The following DLGAP1 variants were observed in gnomAD, a reference collection of about 807,000 sequenced individuals.
DLGAP1 encodes disks large-associated protein 1.
Under a neutral mutation model 90.8 loss-of-function variants are expected in DLGAP1, and 11 were observed. The observed-to-expected ratio is 0.12, with a 90% CI of 0.08 to 0.20. The LOEUF (loss-of-function observed/expected upper bound fraction) is 0.20. Among genes scored for constraint, DLGAP1 ranks in the 10% least tolerant of loss-of-function variants. The probability of loss-of-function intolerance (pLI) is 1.00; values close to 1 mark genes in which losing one functional copy is unlikely to be tolerated. For synonymous variants in DLGAP1, 558 were observed against 540.7 expected (o/e 1.03, Z -0.44); for missense variants, 1,050 against 1,333.8 (o/e 0.79, Z 3.31).
At position 3,583,143 on chromosome 18, in the gene DLGAP1, G is replaced by GACCTACCTACCTACCT. The variant is rs764967145; in HGVS notation, c.1592-911_1592-896dup. On this transcript the variant is annotated intron_variant, in intron 7 of 12. Coordinates refer to ENST00000315677, the MANE Select transcript of DLGAP1 (RefSeq NM_004746.4). ...TTTCTGTCTTTCTGCCTGACTGACC[G>GACCTACCTACCTACCT]ACCTACCTACCTACCTACCTACCTA... Among the ~76,000 whole-genome samples the GACCTACCTACCTACCT allele has an allele frequency of 6.9e-4, 79 of 113,720 alleles. 1 individual carries two copies. Among genetic ancestry groups the GACCTACCTACCTACCT allele is most frequent in the South Asian group, 1.4e-3 (4 of 2,846 alleles). 74.6% of individuals were successfully genotyped at this position (113,720 alleles called of 152,430 possible). A position where few individuals can be genotyped will look rare whatever the true frequency, so the allele number is the denominator to read the frequency against.
intron 5 of DLGAP1, among the ~76,000 whole-genome samples, chr18:3,764,282 C>G (rs1008561723): frequency 1.3e-5 from 2 of 152,234 alleles, no homozygotes; most frequent in African/African-American, 4.8e-5. Flanking sequence ...AGCATGTCAT[C>G]TATATCCTTA....
chr18:3,731,028 T>C (rs2062406060), intron 6 of DLGAP1, among the ~76,000 whole-genome samples: 1 of 152,176 alleles, frequency 6.6e-6, no homozygotes, highest in Non-Finnish European at 1.5e-5. Flanking sequence ...CAACAATCCA[T>C]ACATTTCAAT....
At chr18:3,941,986 G>T (rs1171482962) in intron 3 of DLGAP1, among the ~76,000 whole-genome samples, 1 of 152,126 alleles carries the variant, frequency 6.6e-6, no homozygotes, top group Non-Finnish European at 1.5e-5. Context: ...AAGAATTATA[G>T]GTCTTTAATC....
Position 3,985,225 on chromosome 18 carries a change from C to T in DLGAP1, c.-73+19891G>A, listed in dbSNP as rs374967205. ...TGTGATCCCCAGTGTCATACTGTCT[C>T]CCTCTCTTCCTGATGTGATTTATGT... On this transcript the variant is annotated intron_variant, in intron 3 of 12. Coordinates refer to ENST00000315677, the MANE Select transcript of DLGAP1 (RefSeq NM_004746.4). 1.4e-3 allele frequency among the ~76,000 whole-genome samples: 216 copies of T among 152,292 alleles called. 3 individuals carry two copies. In the South Asian group the frequency reaches 0.024, roughly 17 times the overall value.
chr18:4,419,620 A>G (rs1056378864), intron 1 of DLGAP1, among the ~76,000 whole-genome samples: 1 of 150,814 alleles, frequency 6.6e-6, no homozygotes, highest in South Asian at 2.1e-4. Flanking sequence ...TTTCAATGTT[A>G]AATTTATGAA....
rs543261576 is a variant in DLGAP1 at position 4,223,726 on chromosome 18, G to A, written c.-266-72439C>T. 3.9e-5 allele frequency among the ~76,000 whole-genome samples: 6 copies of A among 152,198 alleles called. No homozygotes were observed. In the South Asian group the frequency reaches 1.2e-3, roughly 32 times the overall value. ...CTTGTCAGAAATGCAAAATTTTCTTGAAAGTGTATTAGTGGTGTCAGACTC... is the reference window on the plus strand; with the variant it reads ...CTTGTCAGAAATGCAAAATTTTCTTAAAAGTGTATTAGTGGTGTCAGACTC... On this transcript the variant is annotated intron_variant, in intron 1 of 12. Transcript: ENST00000315677.
chr18:4,277,474 C>T (rs2079442626), intron 1 of DLGAP1, among the ~76,000 whole-genome samples: 2 of 152,250 alleles, frequency 1.3e-5, no homozygotes, highest in South Asian at 4.1e-4. Flanking sequence ...AGAATAGTTT[C>T]TGTGGGTTTT....
intron 8 of DLGAP1, among the ~76,000 whole-genome samples, chr18:3,574,501 T>A (rs2054992428): frequency 6.6e-6 from 1 of 152,184 alleles, no homozygotes; most frequent in Admixed American, 6.5e-5. Flanking sequence ...GGTTAGATTT[T>A]GTTATCTGTT....
At chr18:4,126,116 C>G (rs2049160) in intron 2 of DLGAP1, among the ~76,000 whole-genome samples, 122 of 152,190 alleles carry the variant, frequency 8.0e-4, no homozygotes, top group African/African-American at 2.7e-3. Context: ...CCAAGGCAGC[C>G]TGCACCGAGC....
At chr18:3,537,287 C>T (rs1386337007) in intron 9 of DLGAP1, among the ~76,000 whole-genome samples, 2 of 152,190 alleles carry the variant, frequency 1.3e-5, no homozygotes, top group African/African-American at 2.4e-5. Flanking sequence ...CCCAGGCAGC[C>T]ATCATTCCAC....
intron 2 of DLGAP1, among the ~76,000 whole-genome samples, chr18:4,033,495 C>T (rs2074832992): frequency 6.6e-6 from 1 of 152,036 alleles, no homozygotes; most frequent in Non-Finnish European, 1.5e-5. Flanking sequence ...GTATCCTAGG[C>T]CAGATACTCA....
At chr18:3,978,161 G>A in intron 3 of DLGAP1, 2 of 444,948 alleles carry the variant, frequency 4.5e-6, no homozygotes, top group Non-Finnish European at 4.5e-6. Context: ...CTGGTGGGGG[G>A]CAAAGCCCTT....
chr18:3,843,729 T>C (rs2068848197), intron 4 of DLGAP1, among the ~76,000 whole-genome samples: 1 of 152,186 alleles, frequency 6.6e-6, no homozygotes, highest in African/African-American at 2.4e-5. Flanking sequence ...AAAGACAGAA[T>C]AGCCATGAAA....
At chr18:4,005,897 A>AC (rs577605252) in intron 2 of DLGAP1, among the ~76,000 whole-genome samples, 15 of 152,214 alleles carry the variant, frequency 9.9e-5, no homozygotes, top group African/African-American at 3.6e-4. Context: ...ATGCCTAGGA[A>AC]CCCTTTTGTA....
At chr18:3,502,782 G>T in intron 11 of DLGAP1, 137 bp from the exon 12 acceptor site, 1 of 920,330 alleles carries the variant, frequency 1.1e-6, no homozygotes. Flanking sequence ...AGGTAAAAGT[G>T]AGGTTACAAA....
At chr18:3,810,637 T>A (rs868088046) in intron 5 of DLGAP1, among the ~76,000 whole-genome samples, 2 of 152,158 alleles carry the variant, frequency 1.3e-5, no homozygotes, top group African/African-American at 4.8e-5. Flanking sequence ...TTTTTTCTCA[T>A]AAGGGACTGA....
chr18:4,312,970 C>A (rs1457975841), intron 1 of DLGAP1, among the ~76,000 whole-genome samples: 1 of 152,158 alleles, frequency 6.6e-6, no homozygotes, highest in African/African-American at 2.4e-5. Context: ...CTCATTTAAG[C>A]TTTGCTTTTC....
chr18:4,231,617 TA>T (rs1393514654), intron 1 of DLGAP1, among the ~76,000 whole-genome samples: 1 of 152,028 alleles, frequency 6.6e-6, no homozygotes, highest in African/African-American at 2.4e-5. Context: ...TTTTCAGTTC[TA>T]TTTTTTTTTT....
chr18:3,735,561 T>C lies in DLGAP1; in HGVS notation c.1351-6186A>G, dbSNP rs193148228. ...ATATGTCTAGGTATATGGTACACAC[T>C]CCATAAAAGGTGGATATTATTTTTT... On this transcript the variant is annotated intron_variant, in intron 6 of 12. Coordinates refer to ENST00000315677, the MANE Select transcript of DLGAP1 (RefSeq NM_004746.4). Among the ~76,000 whole-genome samples the C allele has an allele frequency of 2.8e-3, 429 of 152,218 alleles. 2 individuals are homozygous for C. Among genetic ancestry groups the C allele is most frequent in the African/African-American group, 9.3e-3 (385 of 41,540 alleles).
Sources: gnomAD v4.1 joint callset for allele counts (sites outside exome capture counted in the v4.1 genomes callset) on GRCh38, gnomAD v4.1.1 for gene constraint, MANE v1.5 for transcripts, NCBI Gene and HGNC (gene_info 2026-07-23, HGNC 2026-07-21) for gene names.